Variants in CDCA7 observed in about 807,000 individuals in gnomAD.
CDCA7 encodes the protein cell division cycle associated 7, also known as cell division cycle-associated protein 7.
In CDCA7, 28 loss-of-function variants were observed where a neutral mutation model predicts 54.0. The ratio of observed to expected loss-of-function variants is 0.52; its 90% CI spans 0.38 to 0.71. CDCA7 has a LOEUF of 0.71. Ranked by LOEUF, CDCA7 falls within the 30% of genes least tolerant of loss-of-function variation. CDCA7 has a pLI of 0.00. For synonymous variants in CDCA7, 180 were observed against 208.2 expected (o/e 0.86, Z 1.16); for missense variants, 484 against 586.0 (o/e 0.83, Z 1.80).
chr2:173,355,754 C>T (rs1558946172), intron 1 of CDCA7, among the ~76,000 whole-genome samples: 1 of 150,928 alleles, frequency 6.6e-6, no homozygotes, highest in Non-Finnish European at 1.5e-5. Flanking sequence ...TAACGGAAGC[C>T]AGAACGTAGG....
At chr2:173,362,254 A>C (rs1418285782) in intron 3 of CDCA7, among the ~76,000 whole-genome samples, 1 of 152,218 alleles carries the variant, frequency 6.6e-6, no homozygotes, top group Non-Finnish European at 1.5e-5. Context: ...GTACCTAGAG[A>C]AGTCAAATGT....
rs1168680423 is a variant in CDCA7, at chr2:173,366,032, C to G, written c.1036-251C>G. Reference sequence around the variant, plus strand: ...TGGAGATGGGGTTTTGCCATATTGCCCAGGCTGGTCTTGAACTCCTTGGCT... The same window carrying G: ...TGGAGATGGGGTTTTGCCATATTGCGCAGGCTGGTCTTGAACTCCTTGGCT... On this transcript the variant is annotated intron_variant, in intron 7 of 9. Coordinates refer to ENST00000306721, the MANE Select transcript of CDCA7 (RefSeq NM_031942.5). This position sits in a 1 kb window ranked among gnomAD's most constrained non-coding sequence, Gnocchi z 4.5. Among the ~76,000 whole-genome samples, 1 of 151,952 alleles carries G rather than the reference C, an allele frequency of 6.6e-6. No individual in the cohort carries two copies. The highest frequency in any genetic ancestry group is 1.5e-5 in the Non-Finnish European group (1 of 68,004).
At chr2:173,358,914 A>G in intron 2 of CDCA7, 77 bp downstream of exon 2, 1 of 1,538,312 alleles carries the variant, frequency 6.5e-7, no homozygotes, top group East Asian at 2.3e-5. Context: ...CGTGATTAAA[A>G]CTGCTTGCTT....
At chr2:173,365,124 C>A in intron 6 of CDCA7, 135 bp downstream of exon 6, 2 of 1,342,702 alleles carry the variant, frequency 1.5e-6, no homozygotes, top group Non-Finnish European at 1.9e-6. Context: ...CCATTCAGAA[C>A]TGTAAACGTC....
Position 173,354,881 on chromosome 2 carries a change from G to A in CDCA7, c.-83G>A, listed in dbSNP as rs1376131452. 5 of 1,432,252 alleles carry A rather than the reference G, an allele frequency of 3.5e-6. No individual in the cohort carries two copies. The African/African-American group carries it at 6.0e-5, about 17-fold the overall frequency. 88.7% of individuals were successfully genotyped at this position (1,432,252 alleles called of 1,614,324 possible). The stretch of plus-strand genomic sequence containing the variant: ...CCAGCCTGCCAGCCGCGCTGCTGCT[G>A]CTCCTCCTGCTGTGGGACCGCTGAC... On this transcript the variant is annotated 5_prime_UTR_variant, in exon 1 of 10. Coordinates refer to ENST00000306721, the MANE Select transcript of CDCA7 (RefSeq NM_031942.5).
chr2:173,364,989 T>C lies in CDCA7; in HGVS notation c.894T>C (p.Asn298=), dbSNP rs916458005. 6.4e-7 allele frequency: 1 copy of C among 1,571,558 alleles called. No homozygotes were observed. Among genetic ancestry groups the C allele is most frequent in the African/African-American group, 1.4e-5 (1 of 72,620 alleles). Reference sequence around the variant, plus strand: ...GGAAGACCGTGGATGGCTACATGAATGTGAGTTCTCCGCATTGGTACTTGC... The same window carrying C: ...GGAAGACCGTGGATGGCTACATGAACGTGAGTTCTCCGCATTGGTACTTGC... ...RKRKTVDGYM[N]EDDLPRSRRS... is the part of the protein sequence containing the mutation. The change falls in exon 6 of 10, where the codon AAT becomes AAC. Residue 298 remains asparagine (N), a splice_region_variant and synonymous_variant. Transcript: ENST00000306721.
intron 5 of CDCA7, 140 bp from the exon 6 acceptor site, chr2:173,364,655 C>T: frequency 8.0e-7 from 1 of 1,251,700 alleles, no homozygotes; most frequent in South Asian, 1.9e-5. Flanking sequence ...TTTTGCCATG[C>T]ATTATGCAAA....
At chr2:173,355,078 G>T in intron 1 of CDCA7, 94 bp downstream of exon 1, 1 of 1,236,850 alleles carries the variant, frequency 8.1e-7, no homozygotes. Context: ...GCAGCCTAGC[G>T]CTGCCTTAAC....
chr2:173,364,737 A>T, intron 5 of CDCA7, 58 bp from the exon 6 acceptor site: 1 of 1,534,566 alleles, frequency 6.5e-7, no homozygotes, highest in Non-Finnish European at 8.7e-7. Context: ...GAATTCCCCA[A>T]AGTACTACTT....
At chr2:173,355,140 C>T (rs1686470989) in intron 1 of CDCA7, among the ~76,000 whole-genome samples, 156 bp downstream of exon 1, 1 of 152,176 alleles carries the variant, frequency 6.6e-6, no homozygotes, top group South Asian at 2.1e-4. Flanking sequence ...ATTTTGTGCA[C>T]CTGGGATAAC....
At chr2:173,361,392 G>C (rs1686617657) in intron 3 of CDCA7, among the ~76,000 whole-genome samples, 1 of 151,794 alleles carries the variant, frequency 6.6e-6, no homozygotes, top group Non-Finnish European at 1.5e-5. Flanking sequence ...CCTACCAGCA[G>C]TGTGTGAGGG....
At chr2:173,363,682 C>G (rs1033509199) in intron 4 of CDCA7, 136 bp from the exon 5 acceptor site, 3 of 1,005,324 alleles carry the variant, frequency 3.0e-6, no homozygotes, top group Non-Finnish European at 4.5e-6. Flanking sequence ...TAGGGGAAAT[C>G]AGAAACTCTG....
In CDCA7 at chr2:173,361,358, A is replaced by G. The variant is rs146592741; in HGVS notation, c.384+1867A>G. ...CTGTTTAACCTTTTGAGAAATAGAC[A>G]AAGTGGCTACACCAGTTTACATTCC... On this transcript the variant is annotated intron_variant, in intron 3 of 9. Coordinates refer to ENST00000306721, the MANE Select transcript of CDCA7 (RefSeq NM_031942.5). Among the ~76,000 whole-genome samples, 28 of 152,332 alleles carry G rather than the reference A, an allele frequency of 1.8e-4. 1 individual carries two copies. The highest frequency in any genetic ancestry group is 6.5e-4 in the African/African-American group (27 of 41,576).
At chr2:173,358,416 T>C (rs943935732) in intron 1 of CDCA7, 1 of 205,812 alleles carries the variant, frequency 4.9e-6, no homozygotes. Flanking sequence ...TGTAGTCCTG[T>C]CTACTCAGGA....
rs891977467 is a variant in CDCA7 at position 173,354,925 on chromosome 2, TC to T, written c.-35del. On this transcript the variant is annotated 5_prime_UTR_variant, in exon 1 of 10. Transcript: ENST00000306721. ...CGCTGACCGCGCGGCTGCTCCGCTCTCCCCGCTCCAAGCGCCGATCTGGGCA... is the reference window on the plus strand; with the variant it reads ...CGCTGACCGCGCGGCTGCTCCGCTCTCCCGCTCCAAGCGCCGATCTGGGCA... 2 of 1,470,226 alleles carry T rather than the reference TC, an allele frequency of 1.4e-6. No individual in the cohort carries two copies. 91.1% of individuals were successfully genotyped at this position (1,470,226 alleles called of 1,614,324 possible).
chr2:173,360,023 T>C (rs1221221160), intron 3 of CDCA7, among the ~76,000 whole-genome samples: 1 of 152,256 alleles, frequency 6.6e-6, no homozygotes, highest in African/African-American at 2.4e-5. Context: ...TAACTGCCGC[T>C]GCCACTGTTG....
At chr2:173,363,193 A>T in intron 3 of CDCA7, 33 bp from the exon 4 acceptor site, 1 of 1,599,204 alleles carries the variant, frequency 6.3e-7, no homozygotes, top group Non-Finnish European at 8.6e-7. Flanking sequence ...TTGTCTGCTG[A>T]TCAAGTCCTA....
chr2:173,367,586 C>G, intron 9 of CDCA7, 48 bp from the exon 10 acceptor site: 1 of 1,606,828 alleles, frequency 6.2e-7, no homozygotes, highest in Non-Finnish European at 8.5e-7. Flanking sequence ...AAAGAGAATT[C>G]TTTGGTTGAA....
rs572258045 is a variant in CDCA7 at position 173,368,653 on chromosome 2, A to T, written c.*989A>T. 2 of 152,282 alleles carry T rather than the reference A, an allele frequency of 1.3e-5. No individual in the cohort carries two copies. The highest frequency in any genetic ancestry group is 3.9e-4 in the East Asian group (2 of 5,186). 9.4% of individuals were successfully genotyped at this position (152,282 alleles called of 1,614,324 possible). ...ACTTTTAGCAGTTTGTTAACCTGAC[A>T]TCTCTGCCAGTCTAGTTTCTGGGCA... On this transcript the variant is annotated 3_prime_UTR_variant, in exon 10 of 10. Transcript: ENST00000306721.
Sources: gnomAD v4.1 joint callset for allele counts (sites outside exome capture counted in the v4.1 genomes callset) on GRCh38, gnomAD v4.1.1 for gene constraint, Gnocchi (gnomAD v3.1) non-coding constraint, MANE v1.5 for transcripts, NCBI Gene and HGNC (gene_info 2026-07-23, HGNC 2026-07-21) for gene names.